STARD13: variants seen among roughly 807,000 people sequenced by gnomAD.
The protein encoded by STARD13 is StAR related lipid transfer domain containing 13, also known as stAR-related lipid transfer protein 13.
In STARD13, 62 loss-of-function variants were observed where a neutral mutation model predicts 106.4. The ratio of observed to expected loss-of-function variants is 0.58; its 90% CI spans 0.48 to 0.72. The LOEUF is 0.72. Among genes scored for constraint, STARD13 ranks in the 30% least tolerant of loss-of-function variants. The pLI is 0.00. For missense variants in STARD13, 1,387 were observed against 1,424.0 expected (o/e 0.97, Z 0.42); for synonymous variants, 565 against 553.0 (o/e 1.02, Z -0.31).
intron 1 of STARD13, chr13:33,277,612 T>C (rs974633641): frequency 1.3e-5 from 2 of 152,180 alleles, no homozygotes; most frequent in African/African-American, 4.8e-5. Context: ...GTGACTCCAC[T>C]TCCCAGCAGT....
At chr13:33,528,274 A>ATATATATATATATATATATATATATATC in the STARD13 span, among the ~76,000 whole-genome samples, 1 of 130,260 alleles carries the variant, frequency 7.7e-6, no homozygotes, top group African/African-American at 3.1e-5. Flanking sequence ...ATATATATAT[A>ATATATATATATATATATATATATATATC]CTCTTTTTTT....
chr13:33,550,556 A>ATATCTCCCT, the STARD13 span, among the ~76,000 whole-genome samples: 1 of 152,190 alleles, frequency 6.6e-6, no homozygotes, highest in Non-Finnish European at 1.5e-5. Flanking sequence ...TCATCAGTGA[A>ATATCTCCCT]TATCTCCCTT....
At chr13:33,306,172 G>A (rs188458169) in intron 1 of STARD13, among the ~76,000 whole-genome samples, 25 of 152,138 alleles carry the variant, frequency 1.6e-4, no homozygotes, top group Admixed American at 1.2e-3. Flanking sequence ...AAATAAGACC[G>A]CACATCTACA....
rs186259791 is a variant in STARD13, at chr13:33,177,514, C to T, written c.170-9892G>A. Among the ~76,000 whole-genome samples the T allele has an allele frequency of 2.9e-3, 447 of 152,166 alleles. 1 individual carries two copies. The highest frequency in any genetic ancestry group is 5.1e-3 in the Non-Finnish European group (346 of 68,002). The stretch of plus-strand genomic sequence containing the variant: ...TGGCATACTGCAAGGCTGGCAAATC[C>T]GTCAAAGTCAACTCAAGGACCAGCT... On this transcript the variant is annotated intron_variant, in intron 1 of 13. Coordinates refer to ENST00000336934, the MANE Select transcript of STARD13 (RefSeq NM_178006.4).
rs148244147 is a variant in STARD13, at chr13:33,139,356, A to C, written c.387+2954T>G. Among the ~76,000 whole-genome samples the C allele has an allele frequency of 1.1e-3, 169 of 152,364 alleles. 1 individual carries two copies. The highest frequency in any genetic ancestry group is 3.8e-3 in the African/African-American group (156 of 41,578). On this transcript the variant is annotated intron_variant, in intron 4 of 13. Transcript: ENST00000336934. Reference sequence around the variant, plus strand: ...AAGCCCTTCAATTTATGCAACTGTGACATGGAGTTAAGGACAAGGAATAGT... The same window carrying C: ...AAGCCCTTCAATTTATGCAACTGTGCCATGGAGTTAAGGACAAGGAATAGT...
the STARD13 span, among the ~76,000 whole-genome samples, chr13:33,380,297 C>T: frequency 5.9e-5 from 9 of 151,958 alleles, no homozygotes; most frequent in African/African-American, 2.2e-4. Context: ...CGCCTGTAGT[C>T]CCAGCTACTT....
At position 33,131,639 on chromosome 13, in the gene STARD13, T is replaced by C. The variant is rs140080793; in HGVS notation, c.388-1350A>G. Among the ~76,000 whole-genome samples, 14 of 152,316 alleles carry C rather than the reference T, an allele frequency of 9.2e-5. No individual in the cohort carries two copies. The East Asian group carries it at 2.7e-3, about 29-fold the overall frequency. ...CTCTGTTTCATTATTCATATAAACA[T>C]ATTTATTCATATGTATAGCCTGTCC... On this transcript the variant is annotated intron_variant, in intron 4 of 13. Coordinates refer to ENST00000336934, the MANE Select transcript of STARD13 (RefSeq NM_178006.4).
At position 33,103,275 on chromosome 13, in the gene STARD13, A is replaced by G. The variant is rs891238358; in HGVS notation, c.*2318T>C. The G allele has an allele frequency of 2.6e-5, 4 of 152,682 alleles. No individual in the cohort carries two copies. The highest frequency in any genetic ancestry group is 5.9e-5 in the Non-Finnish European group (4 of 68,050). 9.5% of individuals were successfully genotyped at this position (152,682 alleles called of 1,614,324 possible). ...AAATATAATATTTAAATGCAATATC[A>G]TACTTTATTTCCATTGGCAAGATAA... is the stretch of plus-strand genomic sequence containing the variant. On this transcript the variant is annotated 3_prime_UTR_variant, in exon 14 of 14. Transcript: ENST00000336934.
At chr13:33,501,617 C>T in the STARD13 span, among the ~76,000 whole-genome samples, 10 of 152,148 alleles carry the variant, frequency 6.6e-5, no homozygotes, top group Admixed American at 2.0e-4. Flanking sequence ...AGTCAGCTTT[C>T]CCAGCATCAT....
At chr13:33,452,258 C>G in the STARD13 span, among the ~76,000 whole-genome samples, 1 of 150,512 alleles carries the variant, frequency 6.6e-6, no homozygotes, top group Admixed American at 6.6e-5. Flanking sequence ...CCAATAGTTG[C>G]GGGGCACACA....
chr13:33,370,452 G>A, the STARD13 span, among the ~76,000 whole-genome samples: 2 of 152,088 alleles, frequency 1.3e-5, no homozygotes, highest in Non-Finnish European at 2.9e-5. Context: ...GTACAACACT[G>A]CTAATACCAT....
chr13:33,154,353 A>G (rs1881690408), intron 3 of STARD13, among the ~76,000 whole-genome samples: 1 of 152,190 alleles, frequency 6.6e-6, no homozygotes, highest in Non-Finnish European at 1.5e-5. Flanking sequence ...CATAAACCCC[A>G]AAAGAACTGC....
At chr13:33,389,257 C>T in the STARD13 span, among the ~76,000 whole-genome samples, 2 of 152,046 alleles carry the variant, frequency 1.3e-5, no homozygotes, top group Non-Finnish European at 2.9e-5. Context: ...CGCACCCAGC[C>T]TCTTGAGGTT....
the STARD13 span, among the ~76,000 whole-genome samples, chr13:33,605,448 G>T: frequency 6.6e-6 from 1 of 151,058 alleles, no homozygotes. Context: ...CTAAGACAGA[G>T]CTTCTAAATT....
the STARD13 span, among the ~76,000 whole-genome samples, chr13:33,517,859 T>C: frequency 6.6e-6 from 1 of 152,126 alleles, no homozygotes; most frequent in Non-Finnish European, 1.5e-5. Context: ...CCATGATGTA[T>C]ACAAACCTGC....
the STARD13 span, among the ~76,000 whole-genome samples, chr13:33,495,716 T>C: frequency 1.3e-5 from 2 of 151,524 alleles, no homozygotes; most frequent in East Asian, 3.9e-4. Flanking sequence ...TTATAATGGA[T>C]GATTTAAATC....
chr13:33,504,812 G>A, the STARD13 span, among the ~76,000 whole-genome samples: 1 of 151,970 alleles, frequency 6.6e-6, no homozygotes, highest in East Asian at 1.9e-4. Context: ...CAATGTGCAG[G>A]GATTATACGC....
the STARD13 span, among the ~76,000 whole-genome samples, chr13:33,555,635 C>G: frequency 0.019 from 2,948 of 152,222 alleles, 98 homozygotes; most frequent in African/African-American, 0.065. Context: ...GGATGGTGAT[C>G]TAATGGAAAG....
rs2138091427 is a variant in STARD13, at chr13:33,116,168, T to A, written c.2281+1897A>T. On this transcript the variant is annotated intron_variant, in intron 8 of 13. Transcript: ENST00000336934. ...ATTTTTCAGTGTCATTTGGTGTCAC[T>A]TTGTATGTCTGCCATACATGCAAGC... Among the ~76,000 whole-genome samples, 5 of 152,318 alleles carry A rather than the reference T, an allele frequency of 3.3e-5. 1 individual carries two copies. In the South Asian group the frequency reaches 1.0e-3, roughly 32 times the overall value.
Sources: gnomAD v4.1 joint callset for allele counts (sites outside exome capture counted in the v4.1 genomes callset) on GRCh38, gnomAD v4.1.1 for gene constraint, MANE v1.5 for transcripts, NCBI Gene and HGNC (gene_info 2026-07-23, HGNC 2026-07-21) for gene names.